RNF111: variants seen among roughly 807,000 people sequenced by gnomAD.
The protein encoded by RNF111 is ring finger protein 111.
In RNF111, 17 loss-of-function variants were observed where a neutral mutation model predicts 95.1. The ratio of observed to expected loss-of-function variants is 0.18; its 90% CI spans 0.12 to 0.27. The LOEUF (loss-of-function observed/expected upper bound fraction) is 0.27. Ranked by LOEUF, RNF111 falls within the 10% of genes least tolerant of loss-of-function variation. The probability of loss-of-function intolerance (pLI) is 1.00; values close to 1 mark genes in which losing one functional copy is unlikely to be tolerated. For synonymous variants in RNF111, 440 were observed against 414.8 expected (o/e 1.06, Z -0.74); for missense variants, 1,189 against 1,210.4 (o/e 0.98, Z 0.26).
intron 4 of RNF111, among the ~76,000 whole-genome samples, chr15:59,058,146 A>AT (rs1297263948): frequency 5.9e-5 from 9 of 152,144 alleles, no homozygotes; most frequent in African/African-American, 9.7e-5. Context: ...TCGGTGTTGG[A>AT]TTTTTTTAAA....
At chr15:59,000,030 C>T (rs1411332767) in intron 1 of RNF111, among the ~76,000 whole-genome samples, 1 of 152,150 alleles carries the variant, frequency 6.6e-6, no homozygotes, top group Non-Finnish European at 1.5e-5. Context: ...CAGGCCCCAC[C>T]TCCAACAATG....
chr15:59,022,316 G>A (rs1159888531), intron 1 of RNF111, among the ~76,000 whole-genome samples: 3 of 152,190 alleles, frequency 2.0e-5, no homozygotes, highest in African/African-American at 7.2e-5. Flanking sequence ...TTCAGAGCAA[G>A]CCTTAGCTGA....
At chr15:59,072,033 T>A (rs1400512110) in intron 6 of RNF111, among the ~76,000 whole-genome samples, 1 of 152,256 alleles carries the variant, frequency 6.6e-6, no homozygotes, top group Non-Finnish European at 1.5e-5. Context: ...TACCTTATTG[T>A]ACATGTTTCA....
chr15:59,053,267 C>T (rs1438065218), intron 3 of RNF111, among the ~76,000 whole-genome samples: 7 of 152,244 alleles, frequency 4.6e-5, no homozygotes, highest in African/African-American at 1.7e-4. Context: ...TTTGACTCTC[C>T]CTCCAAAATA....
At chr15:59,053,561 A>G (rs1428765562) in intron 3 of RNF111, among the ~76,000 whole-genome samples, 2 of 152,222 alleles carry the variant, frequency 1.3e-5, no homozygotes, top group African/African-American at 2.4e-5. Flanking sequence ...TTCTAAAGGC[A>G]TGGAAGTGAG....
At position 59,075,962 on chromosome 15, in the gene RNF111, G is replaced by A; in HGVS notation, c.1695G>A (p.Leu565=). The A allele has an allele frequency of 6.2e-7, 1 of 1,614,012 alleles. No homozygotes were observed. The change falls in exon 7 of 14, where the codon TTG becomes TTA. Residue 565 remains leucine (L), a synonymous_variant. Transcript: ENST00000348370. ...SGTSYHEQQA[L]PVDLSNSGIR... The stretch of plus-strand genomic sequence containing the variant: ...ACTTCCTTTTTATCTAGCAGGCATT[G>A]CCAGTGGACCTGAGCAACAGTGGTA...
intron 1 of RNF111, among the ~76,000 whole-genome samples, chr15:59,014,669 C>T (rs1269547361): frequency 6.6e-6 from 1 of 151,836 alleles, no homozygotes; most frequent in Non-Finnish European, 1.5e-5. Flanking sequence ...AATGATCTCT[C>T]TTTGGGTGCA....
At chr15:59,043,484 G>C (rs1483520654) in intron 2 of RNF111, among the ~76,000 whole-genome samples, 1 of 152,090 alleles carries the variant, frequency 6.6e-6, no homozygotes, top group Non-Finnish European at 1.5e-5. Flanking sequence ...TTATTCCTTG[G>C]CTGGGCCCTG....
Position 59,094,918 on chromosome 15 carries a change from C to G in RNF111, c.*18C>G. 2 of 1,379,024 alleles carry G rather than the reference C, an allele frequency of 1.5e-6. No individual in the cohort carries two copies. Among genetic ancestry groups the G allele is most frequent in the Non-Finnish European group, 2.1e-6 (2 of 965,680 alleles). The allele number at this position is 1,379,024 out of a possible 1,614,324, so 85.4% of individuals were successfully genotyped here. ...AAAGTTGACACCATGTTTCAGAACT[C>G]TTGCCCTCCCTCTCATTCCCATCCT... On this transcript the variant is annotated 3_prime_UTR_variant, in exon 14 of 14. Coordinates refer to ENST00000348370, the MANE Select transcript of RNF111 (RefSeq NM_017610.8).
chr15:58,994,927 T>C (rs2038987421), intron 1 of RNF111, among the ~76,000 whole-genome samples: 1 of 152,252 alleles, frequency 6.6e-6, no homozygotes, highest in Admixed American at 6.5e-5. Context: ...TTGATAATAT[T>C]AATCTACAGC....
chr15:59,076,051 C>A lies in RNF111; in HGVS notation c.1784C>A (p.Ser595Tyr). The A allele has an allele frequency of 6.2e-7, 1 of 1,614,218 alleles. No individual in the cohort carries two copies. Among genetic ancestry groups the A allele is most frequent in the Non-Finnish European group, 8.5e-7 (1 of 1,180,044 alleles). Residue 595 changes from serine to tyrosine, a missense_variant, in exon 7 of 14, where the codon TCT (serine) becomes TAT (tyrosine). Ser to Tyr is a moderately radical substitution (Grantham distance 144). Transcript: ENST00000348370. ...GCATTTGACCCCTGCTGCCCTGTTTCTTCCTCCCGAGCTGCAATCTTTGGC... is the reference window on the plus strand; with the variant it reads ...GCATTTGACCCCTGCTGCCCTGTTTATTCCTCCCGAGCTGCAATCTTTGGC... ...ASAFDPCCPV[S>Y]SSRAAIFGHQ...
At chr15:58,998,094 G>A (rs573367322) in intron 1 of RNF111, among the ~76,000 whole-genome samples, 4 of 151,604 alleles carry the variant, frequency 2.6e-5, no homozygotes, top group South Asian at 2.1e-4. Flanking sequence ...TAGTAGAGAC[G>A]TGGTTTCACT....
At chr15:59,052,033 A>G (rs1381628186) in intron 2 of RNF111, among the ~76,000 whole-genome samples, 1 of 152,182 alleles carries the variant, frequency 6.6e-6, no homozygotes, top group Non-Finnish European at 1.5e-5. Context: ...GATCTTACAA[A>G]TCATGTAGAA....
Position 59,094,975 on chromosome 15 carries a change from G to C in RNF111, c.*75G>C. ...TACTGCAGTCAACCAAAGATGGCAT[G>C]ACTTACCTGCGCAGATTTGGAAGCA... is the stretch of plus-strand genomic sequence containing the variant. On this transcript the variant is annotated 3_prime_UTR_variant, in exon 14 of 14. Transcript: ENST00000348370. 1.1e-6 allele frequency: 1 copy of C among 877,510 alleles called. No homozygotes were observed. The highest frequency in any genetic ancestry group is 1.3e-5 in the South Asian group (1 of 74,490). 54.4% of individuals were successfully genotyped at this position (877,510 alleles called of 1,614,324 possible).
intron 6 of RNF111, among the ~76,000 whole-genome samples, chr15:59,068,358 G>A (rs1016351590): frequency 1.3e-5 from 2 of 152,250 alleles, no homozygotes; most frequent in East Asian, 1.9e-4. Flanking sequence ...TGTAATTCCA[G>A]CACTTTGGGA....
At chr15:59,026,335 T>A (rs2040605778) in intron 1 of RNF111, among the ~76,000 whole-genome samples, 1 of 152,168 alleles carries the variant, frequency 6.6e-6, no homozygotes. Flanking sequence ...CAAGGTTTAC[T>A]AATAGTGGTG....
intron 1 of RNF111, among the ~76,000 whole-genome samples, chr15:59,020,689 G>A (rs12050865): frequency 0.31 from 46,983 of 151,980 alleles, 7,373 homozygotes; most frequent in East Asian, 0.41. Context: ...AAACCTATTA[G>A]TTGAGAGAGG....
At chr15:59,003,803 G>A (rs8028752) in intron 1 of RNF111, among the ~76,000 whole-genome samples, 39,808 of 152,110 alleles carry the variant, frequency 0.26, 5,267 homozygotes, top group East Asian at 0.41. Context: ...TGTCCTGTTC[G>A]TGGCTGATGC....
chr15:59,062,934 A>G (rs934296822), intron 5 of RNF111, among the ~76,000 whole-genome samples: 67 of 152,336 alleles, frequency 4.4e-4, no homozygotes, highest in South Asian at 2.1e-4. Flanking sequence ...TCTAAATTCC[A>G]GTAACATCAC....
Sources: gnomAD v4.1 joint callset for allele counts (sites outside exome capture counted in the v4.1 genomes callset) on GRCh38, gnomAD v4.1.1 for gene constraint, MANE v1.5 for transcripts, NCBI Gene and HGNC (gene_info 2026-07-23, HGNC 2026-07-21) for gene names.